Variants in ACOD1 observed in about 807,000 individuals in gnomAD.
The protein encoded by ACOD1 is cis-aconitate decarboxylase.
Under a neutral mutation model 14.2 loss-of-function variants are expected in ACOD1, and 14 were observed. The observed-to-expected ratio is 0.99, with a 90% CI of 0.65 to 1.54. The LOEUF (loss-of-function observed/expected upper bound fraction) is 1.54, where lower values mean the gene tolerates loss of function less well. ACOD1 is among the 40% of genes most tolerant of loss of function. The pLI, the probability that ACOD1 is intolerant of heterozygous loss-of-function variation, is 0.00. For missense variants in ACOD1, 530 were observed against 586.3 expected (o/e 0.90, Z 0.99); for synonymous variants, 182 against 221.7 (o/e 0.82, Z 1.59).
intron 3 of ACOD1, among the ~76,000 whole-genome samples, 176 bp from the exon 4 acceptor site, chr13:76,955,143 A>G (rs754434844): frequency 2.0e-5 from 3 of 150,152 alleles, no homozygotes; most frequent in Non-Finnish European, 4.5e-5. Context: ...AAAAAAAAAA[A>G]AAAAAAAAAG....
intron 1 of ACOD1, 62 bp from the exon 2 acceptor site, chr13:76,952,427 T>C (rs2033830786): frequency 6.9e-7 from 1 of 1,445,650 alleles, no homozygotes; most frequent in Non-Finnish European, 9.3e-7. Context: ...AGGTGTCTTA[T>C]AGAACAGAAG....
intron 4 of ACOD1, 149 bp from the exon 5 acceptor site, chr13:76,956,861 T>C (rs2033881777): frequency 1.1e-6 from 1 of 876,116 alleles, no homozygotes; most frequent in Non-Finnish European, 1.7e-6. Flanking sequence ...TGAATAATTT[T>C]CCCCAGATCA....
At chr13:76,952,382 T>C (rs939527832) in intron 1 of ACOD1, 107 bp from the exon 2 acceptor site, 104 of 904,530 alleles carry the variant, frequency 1.1e-4, no homozygotes, top group Non-Finnish European at 7.3e-5. Context: ...GGGTTTCTTG[T>C]AGTGGAGCAA....
Position 76,956,809 on chromosome 13 carries a change from C to T in ACOD1, c.471-201C>T, listed in dbSNP as rs145778749. On this transcript the variant is annotated intron_variant, in intron 4 of 4. Transcript: ENST00000377462. ...ATTACAGGCATGAACCACCACACCT[C>T]GCCTATCACCATTTTGTGTAAGAAA... is the stretch of plus-strand genomic sequence containing the variant. Among the ~76,000 whole-genome samples the T allele has an allele frequency of 2.2e-4, 34 of 152,262 alleles. No individual in the cohort carries two copies. The East Asian group carries it at 5.6e-3, about 25-fold the overall frequency.
At chr13:76,955,775 A>T (rs41441146) in intron 4 of ACOD1, among the ~76,000 whole-genome samples, 2,705 of 152,310 alleles carry the variant, frequency 0.018, 82 homozygotes, top group African/African-American at 0.06. Context: ...TCATTCTGGC[A>T]TTCATGGGTG....
intron 4 of ACOD1, 28 bp downstream of exon 4, chr13:76,955,552 G>C (rs976725885): frequency 1.3e-6 from 2 of 1,532,670 alleles, no homozygotes; most frequent in African/African-American, 1.4e-5. Context: ...CCCATCAAAA[G>C]GTAGTCACAT....
intron 3 of ACOD1, 40 bp from the exon 4 acceptor site, chr13:76,955,279 A>C (rs1566206626): frequency 1.3e-6 from 2 of 1,519,772 alleles, no homozygotes; most frequent in East Asian, 4.9e-5. Flanking sequence ...TTAAGGGAAA[A>C]TTTAAGGCTT....
chr13:76,953,358 C>A (rs2033842050), intron 2 of ACOD1, among the ~76,000 whole-genome samples: 1 of 152,262 alleles, frequency 6.6e-6, no homozygotes, highest in South Asian at 2.1e-4. Context: ...TTCAGATGTG[C>A]TTCCTTGGAG....
rs191781245 is a variant in ACOD1 at position 76,953,337 on chromosome 13, A to C, written c.175-263A>C. Among the ~76,000 whole-genome samples the C allele has an allele frequency of 2.0e-5, 3 of 152,286 alleles. No homozygotes were observed. In the East Asian group the frequency reaches 5.8e-4, roughly 29 times the overall value. On this transcript the variant is annotated intron_variant, in intron 2 of 4. Transcript: ENST00000377462. ...CCCTGGTATTTACCCCAAGGAGTAA[A>C]TAAGAGTAACTTCAGATGTGCTTCC...
At chr13:76,953,212 T>C (rs914122865) in intron 2 of ACOD1, among the ~76,000 whole-genome samples, 1 of 152,198 alleles carries the variant, frequency 6.6e-6, no homozygotes, top group African/African-American at 2.4e-5. Context: ...TATTATTCTC[T>C]GGAGAAAAGC....
intron 1 of ACOD1, among the ~76,000 whole-genome samples, chr13:76,952,207 C>G (rs2033828478): frequency 6.6e-6 from 1 of 152,142 alleles, no homozygotes. Flanking sequence ...CCCTCCACCA[C>G]CACCCATCAC....
intron 3 of ACOD1, among the ~76,000 whole-genome samples, chr13:76,954,112 C>T (rs561852031): frequency 2.8e-4 from 42 of 152,234 alleles, no homozygotes; most frequent in African/African-American, 9.9e-4. Flanking sequence ...GGAACAATGG[C>T]CTTATAGTGT....
At chr13:76,954,414 GA>G (rs1745745649) in intron 3 of ACOD1, among the ~76,000 whole-genome samples, 1 of 152,072 alleles carries the variant, frequency 6.6e-6, no homozygotes. Flanking sequence ...TTAATATAAA[GA>G]AAAAGAAAAT....
chr13:76,957,321 G>T lies in ACOD1; in HGVS notation c.782G>T (p.Ser261Ile). 6.4e-7 allele frequency: 1 copy of T among 1,550,672 alleles called. No individual in the cohort carries two copies. The highest frequency in any genetic ancestry group is 1.2e-5 in the South Asian group (1 of 84,068). The change falls in exon 5 of 5, where the codon AGT becomes ATT. Residue 261 changes from serine to isoleucine, a missense_variant. Physicochemically the swap from Ser to Ile is moderately radical, Grantham distance 142. Transcript: ENST00000377462. Reference sequence around the variant, plus strand: ...GTCCTTCCAAGCATAGCTTCCTACAGTTGGCTGCTGGACCAGCAGGACGTG... The same window carrying T: ...GTCCTTCCAAGCATAGCTTCCTACATTTGGCTGCTGGACCAGCAGGACGTG... Reference protein sequence around the residue: ...PKVLPSIASYSWLLDQQDVAF... With the variant: ...PKVLPSIASYIWLLDQQDVAF...
intron 4 of ACOD1, among the ~76,000 whole-genome samples, chr13:76,956,489 C>T (rs2033877031): frequency 6.6e-6 from 1 of 152,012 alleles, no homozygotes; most frequent in Non-Finnish European, 1.5e-5. Flanking sequence ...CGTGAGCCAT[C>T]GTGCCCGGCC....
Position 76,957,503 on chromosome 13 carries a change from C to T in ACOD1, c.964C>T (p.Pro322Ser). ...RIPNVQYVNR[P>S]FPVSEHEARH... Reference sequence around the variant, plus strand: ...ACCAAATGTCCAGTATGTAAACAGGCCCTTTCCAGTTTCGGAGCATGAAGC... The same window carrying T: ...ACCAAATGTCCAGTATGTAAACAGGTCCTTTCCAGTTTCGGAGCATGAAGC... Residue 322 changes from proline (P) to serine (S), a missense_variant, in exon 5 of 5, where the codon CCC (proline) becomes TCC (serine). Physicochemically the swap from Pro to Ser is moderately conservative, Grantham distance 74. Transcript: ENST00000377462. 6.4e-7 allele frequency: 1 copy of T among 1,550,602 alleles called. No homozygotes were observed. Among genetic ancestry groups the T allele is most frequent in the Non-Finnish European group, 8.7e-7 (1 of 1,147,002 alleles).
Position 76,957,826 on chromosome 13 carries a change from G to T in ACOD1, c.1287G>T (p.Met429Ile), listed in dbSNP as rs1268543244. Residue 429 changes from methionine to isoleucine, a missense_variant, in exon 5 of 5, where the codon ATG (methionine) becomes ATT (isoleucine). Transcript: ENST00000377462. ...AGTTCAGAGCCAATGCCTCCAAGATGCTGTCCTGGGACACAGTGGAAAGCC... is the reference window on the plus strand; with the variant it reads ...AGTTCAGAGCCAATGCCTCCAAGATTCTGTCCTGGGACACAGTGGAAAGCC... ...EEKFRANASK[M>I]LSWDTVESLI... 5.8e-6 allele frequency: 9 copies of T among 1,550,962 alleles called. No homozygotes were observed. Among genetic ancestry groups the T allele is most frequent in the Non-Finnish European group, 7.8e-6 (9 of 1,147,116 alleles).
At chr13:76,949,289 A>G (rs2033800891) in intron 1 of ACOD1, among the ~76,000 whole-genome samples, 1 of 152,104 alleles carries the variant, frequency 6.6e-6, no homozygotes, top group African/African-American at 2.4e-5. Context: ...TGTGAAATTG[A>G]TTTGTTCAGT....
chr13:76,957,814 T>A lies in ACOD1; in HGVS notation c.1275T>A (p.Asn425Lys). Residue 425 changes from asparagine (N) to lysine (K), a missense_variant, in exon 5 of 5, where the codon AAT becomes AAA. Coordinates refer to ENST00000377462, the MANE Select transcript of ACOD1 (RefSeq NM_001258406.2). ...ACCTAGAGGAAAAGTTCAGAGCCAA[T>A]GCCTCCAAGATGCTGTCCTGGGACA... ...QEDLEEKFRANASKMLSWDTV... is the reference protein window; with the variant it reads ...QEDLEEKFRAKASKMLSWDTV... The A allele has an allele frequency of 6.4e-7, 1 of 1,551,016 alleles. No individual in the cohort carries two copies. The highest frequency in any genetic ancestry group is 8.7e-7 in the Non-Finnish European group (1 of 1,147,104).
Sources: gnomAD v4.1 joint callset for allele counts (sites outside exome capture counted in the v4.1 genomes callset) on GRCh38, gnomAD v4.1.1 for gene constraint, MANE v1.5 for transcripts, NCBI Gene and HGNC (gene_info 2026-07-23, HGNC 2026-07-21) for gene names.